Variants in PCDHGA3 observed in about 807,000 individuals in gnomAD.
PCDHGA3 encodes protocadherin gamma-A3.
Under a neutral mutation model 58.5 loss-of-function variants are expected in PCDHGA3, and 40 were observed. That is an observed-to-expected ratio of 0.68 (90% confidence interval 0.53 to 0.89). The LOEUF (loss-of-function observed/expected upper bound fraction) is 0.89, where lower values mean the gene tolerates loss of function less well. PCDHGA3 is among the 40% of genes least tolerant of loss of function. The probability of loss-of-function intolerance (pLI) is 0.00; values close to 1 mark genes in which losing one functional copy is unlikely to be tolerated. For missense variants in PCDHGA3, 1,223 were observed against 1,195.9 expected (o/e 1.02, Z -0.33); for synonymous variants, 530 against 525.7 (o/e 1.01, Z -0.11).
chr5:141,385,520 G>A, intron 1 of PCDHGA3: 1 of 1,359,080 alleles, frequency 7.4e-7, no homozygotes, highest in African/African-American at 1.5e-5. Flanking sequence ...GAAAGCCTAT[G>A]GACAAGATTA....
At chr5:141,356,635 C>G (rs1308841461) in intron 1 of PCDHGA3, 13 of 1,614,022 alleles carry the variant, frequency 8.1e-6, no homozygotes, top group Non-Finnish European at 1.1e-5. Flanking sequence ...TGCTCAAGAC[C>G]CTGACAGTGG....
chr5:141,371,793 C>T (rs768654364), intron 1 of PCDHGA3: 12 of 1,613,808 alleles, frequency 7.4e-6, no homozygotes, highest in Non-Finnish European at 9.3e-6. Context: ...GAACAATCCG[C>T]CTGGAGCCTC....
chr5:141,398,962 T>A lies in PCDHGA3; in HGVS notation c.2424+52505T>A, dbSNP rs568248356. ...CGAGGGCATCAACTCAGAAATTACT[T>A]ATTCCTTCTACAGAACCGGGCAAAT... On this transcript the variant is annotated intron_variant, in intron 1 of 3. Coordinates refer to ENST00000253812, the MANE Select transcript of PCDHGA3 (RefSeq NM_018916.4). The A allele has an allele frequency of 2.6e-5, 42 of 1,613,934 alleles. No individual in the cohort carries two copies. Among genetic ancestry groups the A allele is most frequent in the Middle Eastern group, 3.3e-4 (2 of 6,062 alleles).
chr5:141,355,498 C>T, intron 1 of PCDHGA3: 2 of 1,614,024 alleles, frequency 1.2e-6, no homozygotes, highest in Middle Eastern at 1.6e-4. Context: ...CGACAGATCT[C>T]CAAACTGTGT....
At chr5:141,390,444 G>A in intron 1 of PCDHGA3, 1 of 870,148 alleles carries the variant, frequency 1.1e-6, no homozygotes, top group South Asian at 1.8e-5. Context: ...TTCTACAAAG[G>A]AGGAGTAAAG....
Position 141,343,986 on chromosome 5 carries a change from G to T in PCDHGA3, c.-48G>T, listed in dbSNP as rs372729421. On this transcript the variant is annotated 5_prime_UTR_variant, in exon 1 of 4. Coordinates refer to ENST00000253812, the MANE Select transcript of PCDHGA3 (RefSeq NM_018916.4). ...TGAGAAAATAAGATTGGAGTCCGTC[G>T]TAGGAAACTGGAACCGAATTCAGAG... 3.4e-6 allele frequency: 5 copies of T among 1,453,968 alleles called. No homozygotes were observed. Among genetic ancestry groups the T allele is most frequent in the Non-Finnish European group, 2.8e-6 (3 of 1,085,364 alleles). The allele number at this position is 1,453,968 out of a possible 1,614,324, so 90.1% of individuals were successfully genotyped here. A position where few individuals can be genotyped will look rare whatever the true frequency, so the allele number is the denominator to read the frequency against.
chr5:141,502,250 TA>T (rs2099813542), intron 2 of PCDHGA3, among the ~76,000 whole-genome samples: 1 of 152,242 alleles, frequency 6.6e-6, no homozygotes, highest in African/African-American at 2.4e-5. Flanking sequence ...TCCTTTTTTT[TA>T]ATCCAGGATT....
Position 141,491,170 on chromosome 5 carries a change from G to A in PCDHGA3, c.2425-3637G>A. The stretch of plus-strand genomic sequence containing the variant: ...GGAGGATGACTCTGACACCCAGCAG[G>A]TGGTGGTCCTGGTGAGGGACAATGG... On this transcript the variant is annotated intron_variant, in intron 1 of 3. Coordinates refer to ENST00000253812, the MANE Select transcript of PCDHGA3 (RefSeq NM_018916.4). The surrounding 1 kb of genome is among the most constrained non-coding windows in gnomAD (Gnocchi z 6.9). 6.2e-7 allele frequency: 1 copy of A among 1,614,176 alleles called. No individual in the cohort carries two copies. Among genetic ancestry groups the A allele is most frequent in the Non-Finnish European group, 8.5e-7 (1 of 1,179,996 alleles).
In PCDHGA3 at chr5:141,346,144, T is replaced by C. The variant is rs1486815820; in HGVS notation, c.2111T>C (p.Phe704Ser). 4 of 1,613,830 alleles carry C rather than the reference T, an allele frequency of 2.5e-6. No individual in the cohort carries two copies. Among genetic ancestry groups the C allele is most frequent in the Admixed American group, 3.3e-5 (2 of 59,998 alleles). Residue 704 changes from phenylalanine (F) to serine (S), a missense_variant, in exon 1 of 4, where the codon TTC becomes TCC. By Grantham distance (155) the Phe-to-Ser change is radical. Around this residue, in one of 3 missense-constraint regions of PCDHGA3, gnomAD observed 325 missense variants for 327.5 expected, o/e 0.99. Coordinates refer to ENST00000253812, the MANE Select transcript of PCDHGA3 (RefSeq NM_018916.4). Reference protein sequence around the residue: ...VVAVAAVSCVFLAFVIVLLAL... With the variant: ...VVAVAAVSCVSLAFVIVLLAL... ...GCGGTGGCCGCGGTCTCCTGCGTCT[T>C]CCTGGCCTTCGTCATCGTGCTGCTG...
At chr5:141,449,888 A>G (rs544369390) in intron 1 of PCDHGA3, among the ~76,000 whole-genome samples, 1 of 151,990 alleles carries the variant, frequency 6.6e-6, no homozygotes, top group Non-Finnish European at 1.5e-5. Flanking sequence ...ATGCAATATA[A>G]TTATTTAGCC....
At chr5:141,422,013 G>A (rs755656791) in intron 1 of PCDHGA3, 1 of 1,610,536 alleles carries the variant, frequency 6.2e-7, no homozygotes. Context: ...GAACTCGGGT[G>A]CTGATGGTTA....
At chr5:141,436,324 G>A (rs972756085) in intron 1 of PCDHGA3, among the ~76,000 whole-genome samples, 10 of 152,134 alleles carry the variant, frequency 6.6e-5, no homozygotes, top group African/African-American at 2.4e-4. Flanking sequence ...AAGACTGTTA[G>A]ACCATATCTC....
At chr5:141,419,938 G>A in intron 1 of PCDHGA3, 1 of 1,614,102 alleles carries the variant, frequency 6.2e-7, no homozygotes, top group Non-Finnish European at 8.5e-7. Context: ...TTTACCTGGT[G>A]GTGGCCTTGG....
chr5:141,378,051 T>C (rs539609296), intron 1 of PCDHGA3: 1 of 152,310 alleles, frequency 6.6e-6, no homozygotes, highest in East Asian at 1.9e-4. Flanking sequence ...TCCTTATCTA[T>C]CTGACTCAAA....
rs368791778 is a variant in PCDHGA3, at chr5:141,409,216, T to C, written c.2424+62759T>C. The C allele has an allele frequency of 4.3e-6, 7 of 1,613,886 alleles. No homozygotes were observed. The African/African-American group carries it at 9.3e-5, about 22-fold the overall frequency. On this transcript the variant is annotated intron_variant, in intron 1 of 3. Coordinates refer to ENST00000253812, the MANE Select transcript of PCDHGA3 (RefSeq NM_018916.4). ...AGTGTAAAGTAATCATAGAAATCCT[T>C]GATGAAAACGACAACAGCCCAGAAA...
chr5:141,401,211 G>A (rs1180713351), intron 1 of PCDHGA3, among the ~76,000 whole-genome samples: 5 of 151,994 alleles, frequency 3.3e-5, no homozygotes, highest in South Asian at 2.1e-4. Context: ...GTGTGGTGGC[G>A]GGCGCCTGTA....
chr5:141,506,815 A>G (rs2099856451), intron 3 of PCDHGA3, among the ~76,000 whole-genome samples: 1 of 152,214 alleles, frequency 6.6e-6, no homozygotes, highest in African/African-American at 2.4e-5. Flanking sequence ...GCATTGCCCT[A>G]TATCATGAAC....
intron 1 of PCDHGA3, chr5:141,364,964 C>T: frequency 6.2e-7 from 1 of 1,613,938 alleles, no homozygotes; most frequent in Non-Finnish European, 8.5e-7. Context: ...CGACCTCCTC[C>T]TCACAGCTTT....
chr5:141,428,090 G>A (rs1415146154), intron 1 of PCDHGA3: 1 of 1,608,870 alleles, frequency 6.2e-7, no homozygotes, highest in Non-Finnish European at 8.5e-7. Flanking sequence ...ACGCTTGGCT[G>A]TCCTACCACG....
Sources: gnomAD v4.1 joint callset for allele counts (sites outside exome capture counted in the v4.1 genomes callset) on GRCh38, gnomAD v4.1.1 for gene constraint, gnomAD v4.1.1 regional missense constraint, Gnocchi (gnomAD v3.1) non-coding constraint, MANE v1.5 for transcripts, NCBI Gene and HGNC (gene_info 2026-07-23, HGNC 2026-07-21) for gene names.